Variants in TBL1XR1 observed in about 807,000 individuals in gnomAD.
TBL1XR1 encodes TBL1X/Y related 1.
Under a neutral mutation model 66.9 loss-of-function variants are expected in TBL1XR1, and 5 were observed. That is an observed-to-expected ratio of 0.07 (90% confidence interval 0.04 to 0.16). The LOEUF is 0.16. Among genes scored for constraint, TBL1XR1 ranks in the 10% least tolerant of loss-of-function variants. TBL1XR1 has a pLI of 1.00. For missense variants in TBL1XR1, 238 were observed against 623.2 expected (o/e 0.38, Z 6.58); for synonymous variants, 210 against 206.0 (o/e 1.02, Z -0.17).
intron 1 of TBL1XR1, among the ~76,000 whole-genome samples, chr3:177,105,791 G>T (rs1207285090): frequency 6.6e-6 from 1 of 151,894 alleles, no homozygotes. Flanking sequence ...TCAGTGTGTG[G>T]GTGTGTGTGT....
intron 10 of TBL1XR1, among the ~76,000 whole-genome samples, chr3:177,040,526 G>T (rs1315340595): frequency 6.6e-6 from 1 of 152,158 alleles, no homozygotes; most frequent in Non-Finnish European, 1.5e-5. Flanking sequence ...CAAGAGATAT[G>T]TCATGCGTAA....
chr3:177,185,619 C>G (rs1210305752), intron 1 of TBL1XR1, among the ~76,000 whole-genome samples: 1 of 140,984 alleles, frequency 7.1e-6, no homozygotes, highest in Admixed American at 7.0e-5. Flanking sequence ...AAAAAAAAAA[C>G]CAGTATTTTC....
chr3:177,021,531 CTCTT>C lies in TBL1XR1; in HGVS notation c.*3963_*3966del, dbSNP rs1449654698. 2 of 152,546 alleles carry C rather than the reference CTCTT, an allele frequency of 1.3e-5. No homozygotes were observed. Among genetic ancestry groups the C allele is most frequent in the East Asian group, 1.9e-4 (1 of 5,202 alleles). The allele number at this position is 152,546 out of a possible 1,614,324, so 9.4% of individuals were successfully genotyped here. ...AAAGTGAACACTTCCTCTTTCTTCT[CTCTT>C]CTACATTTAACTAGAATCATGTTTA... On this transcript the variant is annotated 3_prime_UTR_variant, in exon 16 of 16. Transcript: ENST00000457928.
At chr3:177,199,301 G>A (rs1225542103), upstream of TBL1XR1, among the ~76,000 whole-genome samples, 3 of 152,148 alleles carry the variant, frequency 2.0e-5, no homozygotes, top group East Asian at 5.8e-4. Context: ...GGATTCTAAA[G>A]CTGAGGCTTG....
intron 1 of TBL1XR1, among the ~76,000 whole-genome samples, chr3:177,119,974 T>C (rs182653658): frequency 6.4e-4 from 97 of 152,262 alleles, no homozygotes; most frequent in South Asian, 1.2e-3. Flanking sequence ...CATCTAAAAA[T>C]ACTGCGTAAG....
At chr3:177,160,381 G>A (rs1358217279) in intron 1 of TBL1XR1, among the ~76,000 whole-genome samples, 1 of 151,840 alleles carries the variant, frequency 6.6e-6, no homozygotes, top group African/African-American at 2.4e-5. Flanking sequence ...GGCCAAGGCA[G>A]GAGAATGGCG....
chr3:177,056,283 T>C (rs1280421671), intron 3 of TBL1XR1, among the ~76,000 whole-genome samples: 1 of 152,228 alleles, frequency 6.6e-6, no homozygotes, highest in African/African-American at 2.4e-5. Context: ...TTGGACCCTA[T>C]TTAATTAGCT....
chr3:177,177,368 C>T (rs557482868), intron 1 of TBL1XR1, among the ~76,000 whole-genome samples: 1 of 151,792 alleles, frequency 6.6e-6, no homozygotes, highest in East Asian at 1.9e-4. Flanking sequence ...GAGAATCACT[C>T]GAACCCAGGA....
At chr3:177,086,338 G>A (rs1288763328) in intron 2 of TBL1XR1, among the ~76,000 whole-genome samples, 3 of 151,788 alleles carry the variant, frequency 2.0e-5, no homozygotes, top group Non-Finnish European at 4.4e-5. Context: ...ATTCTGACTA[G>A]TCTTATGTCC....
chr3:177,201,339 A>AG (rs1737336054), upstream of TBL1XR1, among the ~76,000 whole-genome samples: 2 of 134,392 alleles, frequency 1.5e-5, no homozygotes, highest in South Asian at 4.8e-4. Context: ...TGAAACCGAG[A>AG]GGGGGAGGTT....
Position 177,054,065 on chromosome 3 carries a change from T to C in TBL1XR1, c.59-147A>G, listed in dbSNP as rs139405656. On this transcript the variant is annotated intron_variant, in intron 3 of 15. Transcript: ENST00000457928. The stretch of plus-strand genomic sequence containing the variant: ...AAGGTCGTGTGTGTGTGTGTGTGTG[T>C]GTGTGTGTGCGCGCGCGTGTGTGTG... 0.079 allele frequency: 53,594 copies of C among 679,724 alleles called. 2,674 individuals carry two copies. The highest frequency in any genetic ancestry group is 0.16 in the Admixed American group (5,181 of 31,476). The allele number at this position is 679,724 out of a possible 1,614,324, so 42.1% of individuals were successfully genotyped here. A position where few individuals can be genotyped will look rare whatever the true frequency, so the allele number is the denominator to read the frequency against.
In TBL1XR1 at chr3:177,140,745, A is replaced by G. The variant is rs574715618; in HGVS notation, c.-121-42204T>C. Among the ~76,000 whole-genome samples, 48 of 152,356 alleles carry G rather than the reference A, an allele frequency of 3.2e-4. 1 individual carries two copies. The highest frequency in any genetic ancestry group is 6.8e-3 in the Middle Eastern group (2 of 294). On this transcript the variant is annotated intron_variant, in intron 1 of 15. Coordinates refer to ENST00000457928, the MANE Select transcript of TBL1XR1 (RefSeq NM_024665.7). The stretch of plus-strand genomic sequence containing the variant: ...CAGTATTATTTCCTTCCTCATAAAT[A>G]TAAGTAAATAATAGTCATAACAGTA...
At chr3:177,156,634 G>T (rs2108872978) in intron 1 of TBL1XR1, among the ~76,000 whole-genome samples, 1 of 150,616 alleles carries the variant, frequency 6.6e-6, no homozygotes, top group East Asian at 1.9e-4. Context: ...AAAAAAGAAT[G>T]CCACAACAAT....
At chr3:177,063,617 G>A (rs991945377) in intron 3 of TBL1XR1, among the ~76,000 whole-genome samples, 1 of 152,154 alleles carries the variant, frequency 6.6e-6, no homozygotes. Context: ...AGTTACATAC[G>A]TAACAATCAC....
intron 12 of TBL1XR1, among the ~76,000 whole-genome samples, chr3:177,035,700 T>C (rs1714683017): frequency 6.6e-6 from 1 of 152,126 alleles, no homozygotes; most frequent in African/African-American, 2.4e-5. Flanking sequence ...AGGCATGAGC[T>C]GTGGCAACAT....
intron 1 of TBL1XR1, among the ~76,000 whole-genome samples, chr3:177,184,610 T>G (rs539034506): frequency 7.2e-4 from 109 of 152,276 alleles, no homozygotes; most frequent in African/African-American, 2.4e-3. Context: ...AAGACCAGCT[T>G]GTCCAACATG....
At chr3:177,089,389 A>T (rs1353809086) in intron 2 of TBL1XR1, among the ~76,000 whole-genome samples, 1 of 152,148 alleles carries the variant, frequency 6.6e-6, no homozygotes, top group Non-Finnish European at 1.5e-5. Context: ...TCCCAGACTA[A>T]GGAATGGGGG....
intron 2 of TBL1XR1, among the ~76,000 whole-genome samples, chr3:177,085,786 A>C (rs2108623640): frequency 6.6e-6 from 1 of 152,280 alleles, no homozygotes; most frequent in East Asian, 1.9e-4. Flanking sequence ...TAATGAAAAA[A>C]TCTAGAGACC....
In TBL1XR1 at chr3:177,024,239, C is replaced by T. The variant is rs1019497903; in HGVS notation, c.*1259G>A. The T allele has an allele frequency of 6.6e-6, 1 of 152,454 alleles. No individual in the cohort carries two copies. The allele number at this position is 152,454 out of a possible 1,614,324, so 9.4% of individuals were successfully genotyped here. On this transcript the variant is annotated 3_prime_UTR_variant, in exon 16 of 16. Transcript: ENST00000457928. ...CATTAAAAAAAATTCTGAATCACTGCTATTTAAAAACACCTTGAAGCAAGT... is the reference window on the plus strand; with the variant it reads ...CATTAAAAAAAATTCTGAATCACTGTTATTTAAAAACACCTTGAAGCAAGT...
Sources: allele counts gnomAD v4.1 joint callset (sites outside exome capture counted in the v4.1 genomes callset), GRCh38; gene constraint gnomAD v4.1.1; transcripts MANE v1.5; gene names NCBI Gene and HGNC (gene_info 2026-07-23, HGNC 2026-07-21).